Variants in ALDH3A2 observed in about 807,000 individuals in gnomAD.
ALDH3A2 encodes the protein aldehyde dehydrogenase family 3 member A2.
In ALDH3A2, 36 loss-of-function variants were observed where a neutral mutation model predicts 51.3. The ratio of observed to expected loss-of-function variants is 0.70; its 90% CI spans 0.54 to 0.93. ALDH3A2 has a LOEUF of 0.93. Among genes scored for constraint, ALDH3A2 ranks in the 40% least tolerant of loss-of-function variants. The pLI, the probability that ALDH3A2 is intolerant of heterozygous loss-of-function variation, is 0.00. For missense variants in ALDH3A2, 552 were observed against 603.1 expected (o/e 0.92, Z 0.89); for synonymous variants, 199 against 219.8 (o/e 0.91, Z 0.84).
intron 8 of ALDH3A2, among the ~76,000 whole-genome samples, chr17:19,665,349 C>T (rs2085021587): frequency 6.6e-6 from 1 of 150,910 alleles, no homozygotes; most frequent in South Asian, 2.1e-4. Context: ...AGAATCAGGT[C>T]TCAAATTAAT....
At chr17:19,664,907 G>C (rs1477694059) in intron 7 of ALDH3A2, 41 bp from the exon 8 acceptor site, 2 of 1,468,560 alleles carry the variant, frequency 1.4e-6, no homozygotes, top group Non-Finnish European at 1.9e-6. Flanking sequence ...GTTCCCTAAG[G>C]GGCAACTTCA....
chr17:19,652,917 A>G (rs1425882489), intron 3 of ALDH3A2, among the ~76,000 whole-genome samples: 1 of 152,004 alleles, frequency 6.6e-6, no homozygotes, highest in Non-Finnish European at 1.5e-5. Flanking sequence ...AGCTAACATG[A>G]TTTTAGGTGT....
intron 3 of ALDH3A2, among the ~76,000 whole-genome samples, chr17:19,653,244 C>T (rs1217051288): frequency 2.0e-5 from 3 of 151,834 alleles, no homozygotes; most frequent in Non-Finnish European, 2.9e-5. Context: ...GGGGTTTCAC[C>T]GTGTTGGTCA....
chr17:19,651,509 C>G (rs1394628334), intron 1 of ALDH3A2, 38 bp from the exon 2 acceptor site: 1 of 1,534,918 alleles, frequency 6.5e-7, no homozygotes, highest in African/African-American at 1.4e-5. Context: ...GTGTATCATA[C>G]TTACTCTGCA....
intron 8 of ALDH3A2, 48 bp from the exon 9 acceptor site, chr17:19,671,673 T>C (rs750422613): frequency 7.9e-6 from 12 of 1,526,710 alleles, no homozygotes; most frequent in East Asian, 4.5e-5. Context: ...CAGAAGTAGC[T>C]TGCATCATCT....
In ALDH3A2 at chr17:19,648,883, G is replaced by T. The variant is rs1220911540; in HGVS notation, c.-89G>T. The stretch of plus-strand genomic sequence containing the variant: ...GAGACACCCCCCGGAGGGAGGCGGA[G>T]GGAAGGGAGGCGAGGCCTGCACCTG... On this transcript the variant is annotated 5_prime_UTR_variant, in exon 1 of 10. The change creates a new upstream start codon in the 5' untranslated region. Transcript: ENST00000176643. 4 of 1,496,192 alleles carry T rather than the reference G, an allele frequency of 2.7e-6. No individual in the cohort carries two copies. Among genetic ancestry groups the T allele is most frequent in the Non-Finnish European group, 3.6e-6 (4 of 1,111,566 alleles). 92.7% of individuals were successfully genotyped at this position (1,496,192 alleles called of 1,614,324 possible). A position where few individuals can be genotyped will look rare whatever the true frequency, so the allele number is the denominator to read the frequency against.
chr17:19,664,767 C>T (rs936273068), intron 7 of ALDH3A2, among the ~76,000 whole-genome samples, 181 bp from the exon 8 acceptor site: 5 of 152,106 alleles, frequency 3.3e-5, no homozygotes, highest in African/African-American at 1.2e-4. Context: ...CTAAATTAAC[C>T]AGTTGAGATT....
At chr17:19,653,408 G>C (rs1217201308) in intron 3 of ALDH3A2, among the ~76,000 whole-genome samples, 1 of 152,118 alleles carries the variant, frequency 6.6e-6, no homozygotes, top group African/African-American at 2.4e-5. Context: ...CCCTTGCAGT[G>C]AGTGTTACAG....
chr17:19,672,757 A>G (rs1396129924), intron 9 of ALDH3A2, among the ~76,000 whole-genome samples: 2 of 152,032 alleles, frequency 1.3e-5, no homozygotes, highest in Non-Finnish European at 2.9e-5. Context: ...TAAAATTTGA[A>G]AGGGGGCCGG....
At chr17:19,653,566 C>G (rs1368189620) in intron 3 of ALDH3A2, among the ~76,000 whole-genome samples, 2 of 151,168 alleles carry the variant, frequency 1.3e-5, no homozygotes, top group African/African-American at 4.9e-5. Flanking sequence ...TAAGGCGGCG[C>G]ATCTGGAGTT....
At chr17:19,673,084 T>C in intron 9 of ALDH3A2, 1 of 1,606,892 alleles carries the variant, frequency 6.2e-7, no homozygotes. Context: ...TGGCTCATCT[T>C]ACAGTATCCC....
Position 19,648,809 on chromosome 17 carries a change from T to TGAGC in ALDH3A2, c.-154_-151dup, listed in dbSNP as rs2084770465. On this transcript the variant is annotated 5_prime_UTR_variant, in exon 1 of 10. Transcript: ENST00000176643. ...ACTCAGCGGGCGTGGAGGTCGCGGC[T>TGAGC]GAGCGAGCGAGCCCTGGGCGAGTGA... 4.0e-6 allele frequency: 4 copies of TGAGC among 994,006 alleles called. No homozygotes were observed. The highest frequency in any genetic ancestry group is 4.8e-5 in the Admixed American group (2 of 41,860). 61.6% of individuals were successfully genotyped at this position (994,006 alleles called of 1,614,324 possible).
Position 19,648,866 on chromosome 17 carries a change from C to G in ALDH3A2, c.-106C>G. On this transcript the variant is annotated 5_prime_UTR_variant, in exon 1 of 10. Transcript: ENST00000176643. ...GCTGTGGGTTGACGGTGGAGACACC[C>G]CCCGGAGGGAGGCGGAGGGAAGGGA... 1.4e-6 allele frequency: 2 copies of G among 1,438,390 alleles called. No homozygotes were observed. Among genetic ancestry groups the G allele is most frequent in the Non-Finnish European group, 1.9e-6 (2 of 1,062,342 alleles). 89.1% of individuals were successfully genotyped at this position (1,438,390 alleles called of 1,614,324 possible). A position where few individuals can be genotyped will look rare whatever the true frequency, so the allele number is the denominator to read the frequency against.
chr17:19,658,126 A>C (rs2084921667), intron 5 of ALDH3A2, among the ~76,000 whole-genome samples: 2 of 152,194 alleles, frequency 1.3e-5, no homozygotes, highest in African/African-American at 4.8e-5. Context: ...TTTTTAAAAA[A>C]GTTAAATAAT....
chr17:19,672,977 G>C (rs1324632646), intron 9 of ALDH3A2, among the ~76,000 whole-genome samples: 1 of 152,090 alleles, frequency 6.6e-6, no homozygotes, highest in East Asian at 1.9e-4. Flanking sequence ...GGAGGTGGAG[G>C]TTGCAGTGAG....
chr17:19,672,314 TA>T (rs1024503629), intron 9 of ALDH3A2: 7 of 313,342 alleles, frequency 2.2e-5, no homozygotes, highest in Non-Finnish European at 4.2e-5. Flanking sequence ...ATCAAAGGGT[TA>T]GCCCTTTGAT....
intron 9 of ALDH3A2, chr17:19,673,269 G>C: frequency 6.2e-7 from 1 of 1,614,030 alleles, no homozygotes; most frequent in Non-Finnish European, 8.5e-7. Context: ...TGTCTGTTAA[G>C]AGTGAGGTAG....
At chr17:19,674,046 G>GT (rs1474286058) in intron 9 of ALDH3A2, 1 of 152,086 alleles carries the variant, frequency 6.6e-6, no homozygotes, top group African/African-American at 2.4e-5. Context: ...TTAAGAATAT[G>GT]TTTTTTAAAT....
chr17:19,674,999 C>T (rs115069582), intron 9 of ALDH3A2: 2,171 of 153,656 alleles, frequency 0.014, 55 homozygotes, highest in African/African-American at 0.05. Context: ...TTATAAGCTA[C>T]AGAAGGCATT....
Sources: allele counts gnomAD v4.1 joint callset (sites outside exome capture counted in the v4.1 genomes callset), GRCh38; gene constraint gnomAD v4.1.1; transcripts MANE v1.5; gene names NCBI Gene and HGNC (gene_info 2026-07-23, HGNC 2026-07-21).